TBL1XR1: variants seen among roughly 807,000 people sequenced by gnomAD.
TBL1XR1 encodes F-box-like/WD repeat-containing protein TBL1XR1.
Under a neutral mutation model 66.9 loss-of-function variants are expected in TBL1XR1, and 5 were observed. The ratio of observed to expected loss-of-function variants is 0.07; its 90% CI spans 0.04 to 0.16. The LOEUF is 0.16. TBL1XR1 is among the 10% of genes least tolerant of loss of function. TBL1XR1 has a pLI of 1.00. For missense variants in TBL1XR1, 238 were observed against 623.2 expected, an observed-to-expected ratio of 0.38 and a Z score of 6.58; for synonymous variants, 210 against 206.0, an observed-to-expected ratio of 1.02 and a Z score of -0.17.
intron 2 of TBL1XR1, among the ~76,000 whole-genome samples, chr3:177,074,535 T>C (rs929930286): frequency 2.6e-5 from 4 of 152,122 alleles, no homozygotes; most frequent in African/African-American, 9.7e-5. Context: ...ACTATTTCAC[T>C]AATTAACCTC....
At chr3:177,164,628 G>A (rs370829207) in intron 1 of TBL1XR1, among the ~76,000 whole-genome samples, 1 of 152,154 alleles carries the variant, frequency 6.6e-6, no homozygotes, top group Non-Finnish European at 1.5e-5. Flanking sequence ...GATTACAGGC[G>A]TGAGCCACTG....
intron 1 of TBL1XR1, among the ~76,000 whole-genome samples, chr3:177,143,467 G>GT (rs530229814): frequency 2.0e-5 from 3 of 152,106 alleles, no homozygotes; most frequent in African/African-American, 2.4e-5. Flanking sequence ...TGTAAATGCT[G>GT]TAAGTTTTTT....
intron 1 of TBL1XR1, among the ~76,000 whole-genome samples, chr3:177,185,063 C>T (rs1735244034): frequency 6.6e-6 from 1 of 152,120 alleles, no homozygotes; most frequent in Admixed American, 6.6e-5. Context: ...TAACCACATG[C>T]CTCGATTTTT....
chr3:177,125,851 G>T (rs552366261), intron 1 of TBL1XR1, among the ~76,000 whole-genome samples: 2 of 152,072 alleles, frequency 1.3e-5, no homozygotes, highest in Non-Finnish European at 2.9e-5. Context: ...GTAAGCTAAG[G>T]AATGACTTTT....
intron 1 of TBL1XR1, among the ~76,000 whole-genome samples, chr3:177,106,660 T>C (rs1169779860): frequency 1.3e-5 from 2 of 152,182 alleles, no homozygotes; most frequent in Non-Finnish European, 2.9e-5. Context: ...AATCAGTGCC[T>C]AGCATAGTAA....
intron 2 of TBL1XR1, among the ~76,000 whole-genome samples, chr3:177,095,449 T>C (rs1723352160): frequency 6.6e-6 from 1 of 151,976 alleles, no homozygotes; most frequent in Admixed American, 6.6e-5. Flanking sequence ...TATGAAACAT[T>C]TTATACAGGA....
upstream of TBL1XR1, among the ~76,000 whole-genome samples, chr3:177,200,554 C>T (rs1016484432): frequency 6.6e-6 from 1 of 152,136 alleles, no homozygotes; most frequent in African/African-American, 2.4e-5. Context: ...AATGATTAGA[C>T]TCACTGGGTG....
intron 13 of TBL1XR1, among the ~76,000 whole-genome samples, chr3:177,033,874 C>G (rs1714373114): frequency 6.6e-6 from 1 of 152,002 alleles, no homozygotes; most frequent in Non-Finnish European, 1.5e-5. Context: ...GGGAGCTAAG[C>G]TATGAGGACA....
intron 10 of TBL1XR1, among the ~76,000 whole-genome samples, chr3:177,040,407 G>A (rs1168839697): frequency 6.6e-6 from 1 of 152,172 alleles, no homozygotes; most frequent in Non-Finnish European, 1.5e-5. Flanking sequence ...TCTGTGGAAA[G>A]GGAAAACAAA....
intron 6 of TBL1XR1, 112 bp from the exon 7 acceptor site, chr3:177,050,250 A>G: frequency 7.2e-7 from 1 of 1,390,612 alleles, no homozygotes; most frequent in Non-Finnish European, 9.7e-7. Context: ...ACTATCACGA[A>G]TTTTCATTTC....
In TBL1XR1 at chr3:177,188,543, G is replaced by A. The variant is rs561088220; in HGVS notation, c.-122+8578C>T. On this transcript the variant is annotated intron_variant, in intron 1 of 15. Transcript: ENST00000457928. ...GCCTGGGCAACAAGAGCAAACCTCC[G>A]TCAAAAAAAAGAAATTACTCTATTA... Among the ~76,000 whole-genome samples, 359 of 151,874 alleles carry A rather than the reference G, an allele frequency of 2.4e-3. 2 individuals carry two copies. The highest frequency in any genetic ancestry group is 7.9e-3 in the African/African-American group (328 of 41,476).
intron 1 of TBL1XR1, among the ~76,000 whole-genome samples, chr3:177,185,097 T>C (rs1735250108): frequency 6.6e-6 from 1 of 152,048 alleles, no homozygotes; most frequent in Non-Finnish European, 1.5e-5. Flanking sequence ...AAAATGGTAA[T>C]AAGAACATCA....
chr3:177,067,458 C>T (rs1402920400), intron 2 of TBL1XR1, among the ~76,000 whole-genome samples: 1 of 149,780 alleles, frequency 6.7e-6, no homozygotes, highest in Non-Finnish European at 1.5e-5. Context: ...ATCAATTTCC[C>T]AGCTGAAACT....
chr3:177,107,229 T>A (rs1050273450), intron 1 of TBL1XR1, among the ~76,000 whole-genome samples: 2 of 152,252 alleles, frequency 1.3e-5, no homozygotes, highest in African/African-American at 2.4e-5. Flanking sequence ...TTCAGAATTC[T>A]GAAATGTTAT....
chr3:177,189,590 G>A (rs1269461027), intron 1 of TBL1XR1, among the ~76,000 whole-genome samples: 3 of 149,510 alleles, frequency 2.0e-5, no homozygotes, highest in African/African-American at 5.1e-5. Context: ...AGGGGGCGGA[G>A]GTTGCAGTGA....
chr3:177,147,553 C>T (rs972877515), intron 1 of TBL1XR1, among the ~76,000 whole-genome samples: 3 of 152,130 alleles, frequency 2.0e-5, no homozygotes, highest in African/African-American at 4.8e-5. Context: ...ACAGACAGCG[C>T]AAAATGTATT....
rs1712440143 is a variant in TBL1XR1, at chr3:177,021,988, G to A, written c.*3510C>T. On this transcript the variant is annotated 3_prime_UTR_variant, in exon 16 of 16. Transcript: ENST00000457928. ...TGATCATTTGTGATTCCTTTAAATA[G>A]CAAAAATGCACAGTCCTCTTTAGGC... is the stretch of plus-strand genomic sequence containing the variant. 6.6e-6 allele frequency: 1 copy of A among 152,428 alleles called. No homozygotes were observed. Among genetic ancestry groups the A allele is most frequent in the Non-Finnish European group, 1.5e-5 (1 of 67,952 alleles). The allele number at this position is 152,428 out of a possible 1,614,324, so 9.4% of individuals were successfully genotyped here. A position where few individuals can be genotyped will look rare whatever the true frequency, so the allele number is the denominator to read the frequency against.
intron 2 of TBL1XR1, among the ~76,000 whole-genome samples, chr3:177,090,280 A>G (rs1218479549): frequency 1.3e-5 from 2 of 152,136 alleles, no homozygotes; most frequent in Non-Finnish European, 1.5e-5. Flanking sequence ...AAAAGGAGGA[A>G]GTAAGAATGT....
At chr3:177,137,263 C>T (rs1418930470) in intron 1 of TBL1XR1, among the ~76,000 whole-genome samples, 2 of 152,166 alleles carry the variant, frequency 1.3e-5, no homozygotes, top group Non-Finnish European at 2.9e-5. Flanking sequence ...GAGGCCAAGA[C>T]GGGGGATTGC....
Sources: allele counts gnomAD v4.1 joint callset (sites outside exome capture counted in the v4.1 genomes callset), GRCh38; gene constraint gnomAD v4.1.1; transcripts MANE v1.5; gene names NCBI Gene and HGNC (gene_info 2026-07-23, HGNC 2026-07-21).